HDGFL3: variants seen among roughly 807,000 people sequenced by gnomAD.
HDGFL3 encodes the protein HDGF like 3.
Under a neutral mutation model 27.6 loss-of-function variants are expected in HDGFL3, and 6 were observed. The observed-to-expected ratio is 0.22, with a 90% CI of 0.12 to 0.43. HDGFL3 has a LOEUF of 0.43. Ranked by LOEUF, HDGFL3 falls within the 20% of genes least tolerant of loss-of-function variation. HDGFL3 has a pLI of 1.00. For missense variants in HDGFL3, 207 were observed against 250.1 expected (o/e 0.83, Z 1.16); for synonymous variants, 88 against 88.9 (o/e 0.99, Z 0.05).
intron 1 of HDGFL3, among the ~76,000 whole-genome samples, chr15:83,182,428 G>A (rs1474529380): frequency 2.6e-5 from 4 of 152,138 alleles, no homozygotes; most frequent in Non-Finnish European, 4.4e-5. Context: ...AATAGCCCAG[G>A]TGTCCTAATG....
rs1450356280 is a variant in HDGFL3 at position 83,137,975 on chromosome 15, C to G, written c.*1295G>C. Reference sequence around the variant, plus strand: ...TCCCCATCATCCCCTACAGTGTTTTCAAATAATCTAAAACCCAGAGAGTGT... The same window carrying G: ...TCCCCATCATCCCCTACAGTGTTTTGAAATAATCTAAAACCCAGAGAGTGT... On this transcript the variant is annotated 3_prime_UTR_variant, in exon 6 of 6. Transcript: ENST00000299633. The G allele has an allele frequency of 6.7e-6, 1 of 149,576 alleles. No homozygotes were observed. Among genetic ancestry groups the G allele is most frequent in the Non-Finnish European group, 1.5e-5 (1 of 67,466 alleles). 9.3% of individuals were successfully genotyped at this position (149,576 alleles called of 1,614,324 possible). A position where few individuals can be genotyped will look rare whatever the true frequency, so the allele number is the denominator to read the frequency against.
intron 1 of HDGFL3, among the ~76,000 whole-genome samples, chr15:83,190,858 A>G (rs2037503165): frequency 1.3e-5 from 2 of 152,192 alleles, no homozygotes; most frequent in South Asian, 2.1e-4. Context: ...GGACACAATG[A>G]TATTTTCCCA....
rs904534596 is a variant in HDGFL3 at position 83,130,300 on chromosome 15, T to C, written c.*8970A>G. 6.6e-6 allele frequency: 1 copy of C among 152,346 alleles called. No individual in the cohort carries two copies. Among genetic ancestry groups the C allele is most frequent in the Admixed American group, 6.5e-5 (1 of 15,288 alleles). 9.4% of individuals were successfully genotyped at this position (152,346 alleles called of 1,614,324 possible). Reference sequence around the variant, plus strand: ...TAGCAATAAGACAAACCCTAATCTGTTGGTGAAGCTAAGCTTGCAGGTGGG... The same window carrying C: ...TAGCAATAAGACAAACCCTAATCTGCTGGTGAAGCTAAGCTTGCAGGTGGG... On this transcript the variant is annotated 3_prime_UTR_variant, in exon 6 of 6. Transcript: ENST00000299633.
Position 83,176,682 on chromosome 15 carries a change from G to A in HDGFL3, c.85-12607C>T, listed in dbSNP as rs757984565. On this transcript the variant is annotated intron_variant, in intron 1 of 5. Transcript: ENST00000299633. ...TTTGGGGAAGAATCAGTGTTTTTAG[G>A]AGCCTCCAGGTCATTTTGATGCATA... 2.0e-5 allele frequency among the ~76,000 whole-genome samples: 3 copies of A among 152,054 alleles called. No homozygotes were observed. The East Asian group carries it at 5.8e-4, about 29-fold the overall frequency.
intron 1 of HDGFL3, among the ~76,000 whole-genome samples, chr15:83,202,867 A>T (rs1232129259): frequency 6.6e-6 from 1 of 152,070 alleles, no homozygotes; most frequent in Non-Finnish European, 1.5e-5. Context: ...ATAGTACTCC[A>T]CTATGTGAAT....
At chr15:83,191,188 T>C (rs1399135396) in intron 1 of HDGFL3, among the ~76,000 whole-genome samples, 2 of 152,188 alleles carry the variant, frequency 1.3e-5, no homozygotes, top group African/African-American at 2.4e-5. Flanking sequence ...ATTCTGTGTG[T>C]TGATAACTGA....
At chr15:83,144,007 C>T (rs2036838836) in intron 5 of HDGFL3, among the ~76,000 whole-genome samples, 1 of 151,980 alleles carries the variant, frequency 6.6e-6, no homozygotes, top group South Asian at 2.1e-4. Flanking sequence ...ATTTTAAGTC[C>T]CAACTTACCG....
chr15:83,186,835 G>A (rs1490425713), intron 1 of HDGFL3, among the ~76,000 whole-genome samples: 2 of 152,040 alleles, frequency 1.3e-5, no homozygotes, highest in Non-Finnish European at 2.9e-5. Context: ...GCAATATAAT[G>A]CATCCATGTA....
At chr15:83,179,826 C>G (rs1018005167) in intron 1 of HDGFL3, 6 of 152,212 alleles carry the variant, frequency 3.9e-5, no homozygotes, top group African/African-American at 1.2e-4. Flanking sequence ...GCACTACTGC[C>G]TAAAGCAGTA....
chr15:83,177,144 C>T (rs1241082167), intron 1 of HDGFL3, among the ~76,000 whole-genome samples: 3 of 152,196 alleles, frequency 2.0e-5, no homozygotes, highest in African/African-American at 7.2e-5. Flanking sequence ...GTCTTGAACT[C>T]CTGACCTCAA....
At chr15:83,143,391 C>T (rs946442509) in intron 5 of HDGFL3, among the ~76,000 whole-genome samples, 5 of 152,030 alleles carry the variant, frequency 3.3e-5, no homozygotes, top group Non-Finnish European at 7.4e-5. Context: ...TCGAGACCAG[C>T]CTGGCCAACG....
intron 1 of HDGFL3, among the ~76,000 whole-genome samples, chr15:83,203,634 C>A (rs982816695): frequency 6.6e-6 from 1 of 151,782 alleles, no homozygotes; most frequent in African/African-American, 2.4e-5. Context: ...TCCATCTAGT[C>A]AAATCTCACA....
downstream of HDGFL3, chr15:83,127,680 C>T (rs534989796): frequency 1.0e-5 from 5 of 488,688 alleles, no homozygotes; most frequent in African/African-American, 1.0e-4. Context: ...ATGTGCCATC[C>T]AGTTACACAG....
intron 3 of HDGFL3, among the ~76,000 whole-genome samples, chr15:83,116,594 G>A (rs1403696943): frequency 1.3e-5 from 2 of 152,190 alleles, no homozygotes; most frequent in Non-Finnish European, 2.9e-5. Context: ...TGTCTGTGAG[G>A]GAAGATTTTA....
In HDGFL3 at chr15:83,138,210, TAC is replaced by T. The variant is rs1456462364; in HGVS notation, c.*1058_*1059del. 6.6e-6 allele frequency: 1 copy of T among 152,566 alleles called. No homozygotes were observed. Among genetic ancestry groups the T allele is most frequent in the Non-Finnish European group, 1.5e-5 (1 of 67,990 alleles). The allele number at this position is 152,566 out of a possible 1,614,324, so 9.5% of individuals were successfully genotyped here. ...CAATAAATTTATTCTGTAAAAACAA[TAC>T]ATTTTTTTGTTTTTGATTTTTTTAC... is the stretch of plus-strand genomic sequence containing the variant. On this transcript the variant is annotated 3_prime_UTR_variant, in exon 6 of 6. Coordinates refer to ENST00000299633, the MANE Select transcript of HDGFL3 (RefSeq NM_016073.4).
chr15:83,112,878 AC>A (rs1175262143), exon 4 of HDGFL3: 2 of 1,613,732 alleles, frequency 1.2e-6, no homozygotes. Flanking sequence ...AAAGAAAACC[AC>A]CCCGGGACCC....
chr15:83,179,574 G>A (rs17568298), intron 1 of HDGFL3, among the ~76,000 whole-genome samples: 30,825 of 152,090 alleles, frequency 0.2, 3,264 homozygotes, highest in Admixed American at 0.22. Context: ...CATAGGCAAA[G>A]CCTCTTCTCT....
At chr15:83,193,959 C>T (rs57219675) in intron 1 of HDGFL3, among the ~76,000 whole-genome samples, 37,798 of 152,000 alleles carry the variant, frequency 0.25, 5,039 homozygotes, top group African/African-American at 0.34. Context: ...CACCACCACC[C>T]CACCCATGAA....
intron 1 of HDGFL3, among the ~76,000 whole-genome samples, chr15:83,191,934 CCTTTT>C (rs2037515268): frequency 6.9e-6 from 1 of 144,202 alleles, no homozygotes; most frequent in African/African-American, 2.6e-5. Flanking sequence ...ACTTATCTCT[CCTTTT>C]TTTTTTTTTT....
Sources: allele counts gnomAD v4.1 joint callset (sites outside exome capture counted in the v4.1 genomes callset), GRCh38; gene constraint gnomAD v4.1.1; transcripts MANE v1.5; gene names NCBI Gene and HGNC (gene_info 2026-07-23, HGNC 2026-07-21).